The following C9orf85 variants were observed in gnomAD, a reference collection of about 807,000 sequenced individuals.
C9orf85 encodes uncharacterized protein C9orf85.
Under a neutral mutation model 14.9 loss-of-function variants are expected in C9orf85, and 16 were observed. That is an observed-to-expected ratio of 1.08 (90% CI 0.73 to 1.63). C9orf85 has a LOEUF of 1.63. Ranked by LOEUF, C9orf85 falls within the 40% of genes most tolerant of loss-of-function variation. The probability of loss-of-function intolerance (pLI) is 0.00; values close to 1 mark genes in which losing one functional copy is unlikely to be tolerated. For missense variants in C9orf85, 172 were observed against 186.1 expected, an observed-to-expected ratio of 0.92 and a Z score of 0.44; for synonymous variants, 45 against 56.8, an observed-to-expected ratio of 0.79 and a Z score of 0.93.
At chr9:71,980,064 A>G (rs1201381778) in intron 3 of C9orf85, among the ~76,000 whole-genome samples, 3 of 144,436 alleles carry the variant, frequency 2.1e-5, no homozygotes, top group African/African-American at 7.7e-5. Flanking sequence ...CCCAGGCTAG[A>G]GTGCAGTGGC....
At chr9:71,925,871 G>T (rs1040663232) in intron 1 of C9orf85, among the ~76,000 whole-genome samples, 1 of 152,186 alleles carries the variant, frequency 6.6e-6, no homozygotes, top group Non-Finnish European at 1.5e-5. Context: ...ACTAAACAGT[G>T]TATGAATTTA....
At chr9:71,980,016 C>CT (rs11311141) in intron 3 of C9orf85, among the ~76,000 whole-genome samples, 1 of 104,486 alleles carries the variant, frequency 9.6e-6, no homozygotes, top group Non-Finnish European at 2.0e-5. Context: ...TTTCTTTTTT[C>CT]TTTTTTTTTT....
At chr9:71,944,941 C>T (rs1753375548) in intron 1 of C9orf85, among the ~76,000 whole-genome samples, 1 of 152,162 alleles carries the variant, frequency 6.6e-6, no homozygotes, top group Non-Finnish European at 1.5e-5. Flanking sequence ...TTTTGTTCTA[C>T]TGTTGATCCA....
intron 1 of C9orf85, among the ~76,000 whole-genome samples, chr9:71,927,617 G>T (rs1246009769): frequency 1.3e-5 from 2 of 152,082 alleles, no homozygotes; most frequent in Non-Finnish European, 2.9e-5. Flanking sequence ...CTATCATTCT[G>T]GCCTTTGTAG....
At chr9:71,927,458 GA>G (rs1172234944) in intron 1 of C9orf85, among the ~76,000 whole-genome samples, 3 of 151,416 alleles carry the variant, frequency 2.0e-5, no homozygotes, top group African/African-American at 4.9e-5. Flanking sequence ...TCTTTTAGAA[GA>G]AAAAAAAGTA....
In C9orf85 at chr9:71,927,812, A is replaced by G. The variant is rs538082611; in HGVS notation, c.102+15976A>G. 2.0e-4 allele frequency among the ~76,000 whole-genome samples: 30 copies of G among 152,330 alleles called. No homozygotes were observed. In the South Asian group the frequency reaches 4.4e-3, roughly 22 times the overall value. On this transcript the variant is annotated intron_variant, in intron 1 of 3. Transcript: ENST00000334731. Reference sequence around the variant, plus strand: ...AACTGTAGTAGTATTTATATAATATAACATTAAAAACACGGGGTTTCTCCT... The same window carrying G: ...AACTGTAGTAGTATTTATATAATATGACATTAAAAACACGGGGTTTCTCCT...
intron 1 of C9orf85, among the ~76,000 whole-genome samples, chr9:71,927,602 A>C (rs1220975778): frequency 6.6e-6 from 1 of 152,200 alleles, no homozygotes; most frequent in Admixed American, 6.5e-5. Flanking sequence ...TTAAAGTCTG[A>C]GTGCCTATCA....
chr9:71,932,383 A>G (rs888304879), intron 1 of C9orf85, among the ~76,000 whole-genome samples: 6 of 152,182 alleles, frequency 3.9e-5, no homozygotes, highest in Admixed American at 1.3e-4. Flanking sequence ...AGTGTTGTCT[A>G]TACAACAGAA....
downstream of C9orf85, chr9:71,985,890 G>C (rs1461335946): frequency 1.3e-5 from 2 of 152,166 alleles, no homozygotes; most frequent in African/African-American, 4.8e-5. Context: ...GTATTTCTTA[G>C]CTTCTGATAA....
At chr9:71,952,418 G>A (rs982742527) in intron 2 of C9orf85, among the ~76,000 whole-genome samples, 1 of 152,076 alleles carries the variant, frequency 6.6e-6, no homozygotes, top group Admixed American at 6.6e-5. Flanking sequence ...AGGCTGTAGT[G>A]CAGTGGCACG....
At chr9:71,975,164 G>A (rs1475470570), downstream of C9orf85, among the ~76,000 whole-genome samples, 1 of 152,066 alleles carries the variant, frequency 6.6e-6, no homozygotes, top group African/African-American at 2.4e-5. Flanking sequence ...TAAAGAAAGT[G>A]GAGGCTGGGT....
chr9:71,929,622 A>G (rs541022276), intron 1 of C9orf85, among the ~76,000 whole-genome samples: 6 of 152,096 alleles, frequency 3.9e-5, no homozygotes, highest in Non-Finnish European at 8.8e-5. Flanking sequence ...AACTTTTCCA[A>G]CTTCGAAATT....
At chr9:71,960,805 G>A (rs1355227062) in intron 2 of C9orf85, among the ~76,000 whole-genome samples, 1 of 151,896 alleles carries the variant, frequency 6.6e-6, no homozygotes, top group Non-Finnish European at 1.5e-5. Context: ...AAAGTGCTGG[G>A]ATTACAGGCG....
chr9:71,946,793 C>CA (rs35975766), intron 1 of C9orf85, among the ~76,000 whole-genome samples: 16,487 of 84,150 alleles, frequency 0.2, 963 homozygotes, highest in Middle Eastern at 0.27. Context: ...GACTCTGTCT[C>CA]AAAAAAAAAA....
chr9:71,924,871 A>G (rs1827894357), intron 1 of C9orf85, among the ~76,000 whole-genome samples: 1 of 152,238 alleles, frequency 6.6e-6, no homozygotes, highest in African/African-American at 2.4e-5. Flanking sequence ...TAATAATGCT[A>G]AATCTGGTTT....
At chr9:71,952,744 G>A (rs1012556283) in intron 2 of C9orf85, among the ~76,000 whole-genome samples, 1 of 151,952 alleles carries the variant, frequency 6.6e-6, no homozygotes, top group South Asian at 2.1e-4. Context: ...GCCTATGCTG[G>A]TACCTAGAAA....
chr9:71,938,826 GAAATTGGA>G (rs991257133), intron 1 of C9orf85, among the ~76,000 whole-genome samples: 1 of 151,494 alleles, frequency 6.6e-6, no homozygotes, highest in African/African-American at 2.4e-5. Context: ...TATATATTCA[GAAATTGGA>G]AACATTTAAA....
chr9:71,978,823 C>T (rs370594562), intron 3 of C9orf85, among the ~76,000 whole-genome samples: 8 of 152,284 alleles, frequency 5.3e-5, no homozygotes, highest in African/African-American at 1.9e-4. Flanking sequence ...GTCACAAGGT[C>T]AAGAGATCTA....
At chr9:71,923,557 G>A (rs561145024) in intron 1 of C9orf85, among the ~76,000 whole-genome samples, 3 of 152,168 alleles carry the variant, frequency 2.0e-5, no homozygotes, top group South Asian at 2.1e-4. Context: ...CATGAGACAC[G>A]GCGCCCAGCC....
Sources: gnomAD v4.1 joint callset for allele counts (sites outside exome capture counted in the v4.1 genomes callset) on GRCh38, gnomAD v4.1.1 for gene constraint, MANE v1.5 for transcripts, NCBI Gene and HGNC (gene_info 2026-07-23, HGNC 2026-07-21) for gene names.